Variants in KCNQ5 observed in about 807,000 individuals in gnomAD.
KCNQ5 encodes the protein potassium voltage-gated channel subfamily Q member 5.
Under a neutral mutation model 98.2 loss-of-function variants are expected in KCNQ5, and 30 were observed. The ratio of observed to expected loss-of-function variants is 0.31; its 90% CI spans 0.23 to 0.41. The LOEUF (loss-of-function observed/expected upper bound fraction) is 0.41, where lower values mean the gene tolerates loss of function less well. Ranked by LOEUF, KCNQ5 falls within the 10% of genes least tolerant of loss-of-function variation. The pLI is 1.00. For missense variants in KCNQ5, 835 were observed against 1,182.5 expected (o/e 0.71, Z 4.31); for synonymous variants, 458 against 449.4 (o/e 1.02, Z -0.24).
chr6:73,084,626 G>A (rs537169489), intron 5 of KCNQ5, among the ~76,000 whole-genome samples: 2 of 152,298 alleles, frequency 1.3e-5, no homozygotes, highest in South Asian at 2.1e-4. Flanking sequence ...TCTAGAAAAC[G>A]AACTGACTGC....
intron 1 of KCNQ5, among the ~76,000 whole-genome samples, chr6:72,772,685 T>C (rs1490040565): frequency 6.6e-6 from 1 of 152,184 alleles, no homozygotes; most frequent in African/African-American, 2.4e-5. Context: ...ATTGAAGGGC[T>C]GTGCAGCATT....
At chr6:72,937,970 A>G (rs1766024214) in intron 1 of KCNQ5, among the ~76,000 whole-genome samples, 1 of 152,224 alleles carries the variant, frequency 6.6e-6, no homozygotes, top group Admixed American at 6.5e-5. Flanking sequence ...AAATGTGAGC[A>G]TATCACTCAC....
At chr6:73,138,805 T>C (rs947611) in intron 10 of KCNQ5, among the ~76,000 whole-genome samples, 18,907 of 152,176 alleles carry the variant, frequency 0.12, 2,356 homozygotes, top group African/African-American at 0.33. Flanking sequence ...CTTCCGATTG[T>C]GGGGGTCCCT....
intron 3 of KCNQ5, among the ~76,000 whole-genome samples, chr6:73,065,049 G>GAA (rs67817942): frequency 0.83 from 121,531 of 146,746 alleles, 51,228 homozygotes; most frequent in South Asian, 0.92. Context: ...CCTGTAGCAT[G>GAA]AGAAAAAAAA....
intron 1 of KCNQ5, among the ~76,000 whole-genome samples, chr6:72,735,012 A>G (rs1198727411): frequency 2.0e-5 from 3 of 152,214 alleles, no homozygotes. Flanking sequence ...TAAGCCTTCT[A>G]CATTGGCACA....
chr6:72,843,248 C>A (rs1298831579), intron 1 of KCNQ5, among the ~76,000 whole-genome samples: 2 of 152,074 alleles, frequency 1.3e-5, no homozygotes, highest in Non-Finnish European at 2.9e-5. Flanking sequence ...GAATCCTTTC[C>A]CCATTTCTTG....
At chr6:72,685,421 T>C (rs994312688) in intron 1 of KCNQ5, among the ~76,000 whole-genome samples, 1 of 152,220 alleles carries the variant, frequency 6.6e-6, no homozygotes, top group Non-Finnish European at 1.5e-5. Context: ...ATGCATATAA[T>C]ACAAAATCAA....
intron 2 of KCNQ5, among the ~76,000 whole-genome samples, chr6:73,034,851 T>TC (rs1207869646): frequency 1.2e-3 from 181 of 148,758 alleles, no homozygotes; most frequent in African/African-American, 4.3e-3. Context: ...TTTTTTTTTT[T>TC]TTTTTTTTTT....
intron 3 of KCNQ5, among the ~76,000 whole-genome samples, chr6:73,076,591 A>G (rs1336303105): frequency 1.3e-5 from 2 of 152,210 alleles, no homozygotes; most frequent in Admixed American, 1.3e-4. Context: ...TCAAACATTA[A>G]GTATTCATTC....
chr6:73,192,755 G>A, intron 13 of KCNQ5, 64 bp downstream of exon 13: 2 of 1,296,154 alleles, frequency 1.5e-6, no homozygotes, highest in Non-Finnish European at 2.1e-6. Flanking sequence ...TTTATTATAG[G>A]CAATTGTATG....
At chr6:72,782,910 A>G (rs569897459) in intron 1 of KCNQ5, among the ~76,000 whole-genome samples, 1 of 152,218 alleles carries the variant, frequency 6.6e-6, no homozygotes, top group Non-Finnish European at 1.5e-5. Context: ...CAATGACTAC[A>G]GCTAGATATC....
chr6:73,091,733 T>C (rs1000255334), intron 5 of KCNQ5, among the ~76,000 whole-genome samples: 1 of 143,804 alleles, frequency 7.0e-6, no homozygotes, highest in Non-Finnish European at 1.5e-5. Flanking sequence ...TTTGTTGTTG[T>C]TGTTGTTGTT....
chr6:72,778,769 T>A (rs1236605463), intron 1 of KCNQ5, among the ~76,000 whole-genome samples: 1 of 151,932 alleles, frequency 6.6e-6, no homozygotes, highest in African/African-American at 2.4e-5. Flanking sequence ...GAGAAAAAAA[T>A]TTTAAAAAAA....
intron 1 of KCNQ5, among the ~76,000 whole-genome samples, chr6:72,937,113 A>G (rs1765970928): frequency 1.3e-5 from 2 of 152,250 alleles, no homozygotes; most frequent in Admixed American, 1.3e-4. Flanking sequence ...AAAAGAGTAA[A>G]GTAAAATTTT....
chr6:72,824,787 G>C (rs2840801), intron 1 of KCNQ5, among the ~76,000 whole-genome samples: 101,029 of 150,848 alleles, frequency 0.67, 35,402 homozygotes, highest in Non-Finnish European at 0.79. Context: ...CTCTGTCTCT[G>C]TGTGTGTGTG....
chr6:72,852,714 TAA>T (rs375947764), intron 1 of KCNQ5, among the ~76,000 whole-genome samples: 3 of 130,938 alleles, frequency 2.3e-5, no homozygotes, highest in Non-Finnish European at 4.8e-5. Context: ...TTTACCTCAA[TAA>T]AAAAAAGATA....
chr6:72,762,676 A>G (rs2154477092), intron 1 of KCNQ5, among the ~76,000 whole-genome samples: 1 of 152,222 alleles, frequency 6.6e-6, no homozygotes, highest in African/African-American at 2.4e-5. Context: ...TACTAGAATA[A>G]ACACAGCCTA....
intron 1 of KCNQ5, among the ~76,000 whole-genome samples, chr6:72,836,507 T>C (rs1301834786): frequency 6.6e-6 from 1 of 152,082 alleles, no homozygotes. Flanking sequence ...GGCATGATTG[T>C]AGCTCACTGC....
intron 1 of KCNQ5, among the ~76,000 whole-genome samples, chr6:72,870,971 A>T (rs530017191): frequency 2.6e-5 from 4 of 152,278 alleles, no homozygotes; most frequent in Admixed American, 1.3e-4. Flanking sequence ...ACCATTTGGG[A>T]CTAAAATCTT....
Sources: gnomAD v4.1 joint callset for allele counts (sites outside exome capture counted in the v4.1 genomes callset) on GRCh38, gnomAD v4.1.1 for gene constraint, MANE v1.5 for transcripts, NCBI Gene and HGNC (gene_info 2026-07-23, HGNC 2026-07-21) for gene names.